LRTM3: variants seen among roughly 807,000 people sequenced by gnomAD.
The protein encoded by LRTM3 is leucine rich repeat transmembrane protein 3, also known as leucine-rich repeat transmembrane protein 3.
the LRTM3 span, chr13:102,749,872 T>C: frequency 6.4e-7 from 1 of 1,551,334 alleles, no homozygotes; most frequent in African/African-American, 1.4e-5. Context: ...ACTCTTGAGA[T>C]CTTGAGCATT....
the LRTM3 span, chr13:102,745,203 G>T: frequency 1.3e-6 from 2 of 1,550,742 alleles, no homozygotes; most frequent in Non-Finnish European, 1.7e-6. Context: ...ATGAAATGTT[G>T]CAGGTGCTGT....
the LRTM3 span, chr13:102,733,030 A>G: frequency 1.9e-6 from 3 of 1,551,246 alleles, no homozygotes; most frequent in East Asian, 2.4e-5. Flanking sequence ...TCTCTGTCAT[A>G]TCCATGTGTA....
At chr13:102,742,056 T>C in the LRTM3 span, 6 of 1,550,578 alleles carry the variant, frequency 3.9e-6, no homozygotes, top group East Asian at 2.4e-5. Flanking sequence ...TGTGGAAGAA[T>C]GCATGTCCTG....
the LRTM3 span, chr13:102,737,957 T>A: frequency 6.4e-7 from 1 of 1,551,166 alleles, no homozygotes; most frequent in Non-Finnish European, 8.7e-7. Context: ...GCCTACTCCA[T>A]CTGCTTTCTG....
At chr13:102,741,960 G>C in the LRTM3 span, 1 of 1,550,484 alleles carries the variant, frequency 6.4e-7, no homozygotes. Context: ...CTAATATCTT[G>C]TTCCTGTTTT....
chr13:102,744,554 C>G, the LRTM3 span: 51 of 1,550,378 alleles, frequency 3.3e-5, no homozygotes, highest in African/African-American at 6.3e-4. Flanking sequence ...AACAGTTTCT[C>G]TAAAGTGTGT....
At chr13:102,732,602 C>T in the LRTM3 span, 11 of 1,550,916 alleles carry the variant, frequency 7.1e-6, no homozygotes, top group South Asian at 2.4e-5. Context: ...CATGATTAGG[C>T]GGCTGTTCTC....
At chr13:102,729,970 G>T in the LRTM3 span, 1 of 1,551,822 alleles carries the variant, frequency 6.4e-7, no homozygotes, top group Non-Finnish European at 8.7e-7. Flanking sequence ...AACTTGTTCT[G>T]CTCTTGGTAG....
chr13:102,733,674 GC>G, the LRTM3 span: 1 of 1,551,266 alleles, frequency 6.4e-7, no homozygotes, highest in Non-Finnish European at 8.7e-7. Context: ...AGCCATTCCG[GC>G]CTTTTCCCAC....
chr13:102,750,370 T>C, the LRTM3 span: 17 of 1,504,828 alleles, frequency 1.1e-5, no homozygotes, highest in Non-Finnish European at 1.3e-5. Context: ...TAATTCTTTT[T>C]TCTAAAAAGG....
At chr13:102,733,567 A>C in the LRTM3 span, 1 of 1,550,992 alleles carries the variant, frequency 6.4e-7, no homozygotes, top group African/African-American at 1.4e-5. Flanking sequence ...CTTCTTCCAG[A>C]CCTCCCATTT....
At chr13:102,734,516 C>G in the LRTM3 span, 1 of 1,551,178 alleles carries the variant, frequency 6.4e-7, no homozygotes, top group East Asian at 2.4e-5. Context: ...GTGGAGCATA[C>G]AGGAACGAGG....
At chr13:102,753,648 C>T in the LRTM3 span, among the ~76,000 whole-genome samples, 1 of 152,130 alleles carries the variant, frequency 6.6e-6, no homozygotes, top group African/African-American at 2.4e-5. Context: ...TTCTTTAATG[C>T]CACCTAATTT....
At chr13:102,738,744 C>T in the LRTM3 span, 15 of 1,550,418 alleles carry the variant, frequency 9.7e-6, no homozygotes, top group East Asian at 3.2e-4. Context: ...TCTATTGTGC[C>T]CACTTTAGAG....
At chr13:102,729,480 C>T in the LRTM3 span, 1 of 1,458,212 alleles carries the variant, frequency 6.9e-7, no homozygotes, top group Non-Finnish European at 9.0e-7. Flanking sequence ...GTAAGGGACC[C>T]CGAGAGCGAC....
At chr13:102,753,313 T>C in the LRTM3 span, among the ~76,000 whole-genome samples, 7 of 151,954 alleles carry the variant, frequency 4.6e-5, no homozygotes, top group Middle Eastern at 3.4e-3. Flanking sequence ...ACACACTGGG[T>C]CCTGTCAGGG....
chr13:102,749,926 A>C, the LRTM3 span: 1 of 1,551,292 alleles, frequency 6.4e-7, no homozygotes, highest in Non-Finnish European at 8.7e-7. Flanking sequence ...GTTTTGAAGG[A>C]ATTTGATTCC....
At chr13:102,758,937 A>G in the LRTM3 span, 34 of 1,472,280 alleles carry the variant, frequency 2.3e-5, no homozygotes, top group African/African-American at 3.1e-4. Context: ...TGACATTTTA[A>G]TGTCATATGT....
chr13:102,737,637 G>C, the LRTM3 span: 3 of 1,550,468 alleles, frequency 1.9e-6, no homozygotes, highest in Non-Finnish European at 2.6e-6. Flanking sequence ...TTGTCTTCTG[G>C]ATGCATTAAG....
Sources: allele counts gnomAD v4.1 joint callset (sites outside exome capture counted in the v4.1 genomes callset), GRCh38; gene constraint gnomAD v4.1.1; transcripts MANE v1.5; gene names NCBI Gene and HGNC (gene_info 2026-07-23, HGNC 2026-07-21).